The following IGFN1 variants were observed in gnomAD, a reference collection of about 807,000 sequenced individuals.
IGFN1 encodes the protein immunoglobulin like and fibronectin type III domain containing 1.
A neutral mutation model predicts 289.5 loss-of-function variants in IGFN1; 253 were observed. The ratio of observed to expected loss-of-function variants is 0.87; its 90% confidence interval spans 0.79 to 0.97. The LOEUF is 0.97. IGFN1 is among the 50% of genes least tolerant of loss of function. The pLI, the probability that IGFN1 is intolerant of heterozygous loss-of-function variation, is 0.00. For synonymous variants in IGFN1, 1,706 were observed against 1,788.5 expected (o/e 0.95, Z 1.16); for missense variants, 4,470 against 4,686.1 (o/e 0.95, Z 1.35).
rs1385661673 is a variant in IGFN1 at position 201,208,986 on chromosome 1, A to G, written c.4093A>G (p.Lys1365Glu). Residue 1365 changes from lysine to glutamate, a missense_variant, in exon 12 of 24, where the codon AAG becomes GAG. Around this residue, in one of 8 missense-constraint regions of IGFN1, gnomAD observed 2,011 missense variants for 1,953.4 expected, o/e 1.03. Coordinates refer to ENST00000335211, the MANE Select transcript of IGFN1 (RefSeq NM_001164586.2). ...CAAGGCAGATTATAGCGGTGGTTTA[A>G]AGGGTTCCAGGGAAATCGGGTCAAT... ...GSKADYSGGL[K>E]GSREIGSMDE... The G allele has an allele frequency of 4.2e-5, 65 of 1,534,456 alleles. 1 individual carries two copies. The highest frequency in any genetic ancestry group is 5.7e-5 in the Non-Finnish European group (65 of 1,146,276).
chr1:201,212,457 A>G lies in IGFN1; in HGVS notation c.7564A>G (p.Met2522Val). ...KDRSPDQAGI[M>V]GASGFLDGKG... ...TAGGTCTCCAGACCAAGCAGGGATA[A>G]TGGGGGCTTCTGGGTTTCTTGATGG... Residue 2522 changes from methionine to valine, a missense_variant, in exon 12 of 24, where the codon ATG (methionine) becomes GTG (valine). Coordinates refer to ENST00000335211, the MANE Select transcript of IGFN1 (RefSeq NM_001164586.2). 1 of 1,538,242 alleles carries G rather than the reference A, an allele frequency of 6.5e-7. No homozygotes were observed. The highest frequency in any genetic ancestry group is 8.7e-7 in the Non-Finnish European group (1 of 1,146,808).
chr1:201,228,532 G>A lies in IGFN1; in HGVS notation c.*133G>A. On this transcript the variant is annotated 3_prime_UTR_variant, in exon 24 of 24. Transcript: ENST00000335211. ...GAAAATGGGAGTGAGAAGATGCCTG[G>A]CGAGGTTTTGGCCAGGAGGACGTGA... The A allele has an allele frequency of 9.9e-7, 1 of 1,013,668 alleles. No homozygotes were observed. The highest frequency in any genetic ancestry group is 1.6e-6 in the Non-Finnish European group (1 of 640,156). The allele number at this position is 1,013,668 out of a possible 1,614,324, so 62.8% of individuals were successfully genotyped here. A position where few individuals can be genotyped will look rare whatever the true frequency, so the allele number is the denominator to read the frequency against.
chr1:201,197,069 G>A, intron 4 of IGFN1, 149 bp from the exon 5 acceptor site: 1 of 550,786 alleles, frequency 1.8e-6, no homozygotes, highest in South Asian at 2.7e-5. Flanking sequence ...TTTCTGTTTT[G>A]GGGTCTGTCT....
At chr1:201,227,813 C>A (rs1397711725) in intron 23 of IGFN1, among the ~76,000 whole-genome samples, 1 of 152,080 alleles carries the variant, frequency 6.6e-6, no homozygotes, top group Non-Finnish European at 1.5e-5. Context: ...CCTAAGCTTC[C>A]CAGTGGGGCC....
chr1:201,213,285 G>T lies in IGFN1; in HGVS notation c.8392G>T (p.Glu2798Ter), dbSNP rs893259319. The T allele has an allele frequency of 1.9e-6, 3 of 1,559,148 alleles. No individual in the cohort carries two copies. ...VQGPGALKED[E>*]GQGVEEAGRS... ...GGGTCCTGGGGCCCTAAAGGAGGAT[G>T]AAGGGCAGGGAGTGGAAGAGGCTGG... The change falls in exon 12 of 24, where the codon GAA (glutamate) becomes TAA (stop). Residue 2798 changes from glutamate (E) to a stop codon, truncating the protein, a stop_gained. Coordinates refer to ENST00000335211, the MANE Select transcript of IGFN1 (RefSeq NM_001164586.2). LOFTEE classifies it high-confidence loss of function.
rs560973991 is a variant in IGFN1 at position 201,206,739 on chromosome 1, G to A, written c.1846G>A (p.Asp616Asn). ...GKSDLQGCQSDPVGSWPRGKQ... is the reference protein window; with the variant it reads ...GKSDLQGCQSNPVGSWPRGKQ... Reference sequence around the variant, plus strand: ...GAGCGACCTGCAGGGATGCCAGTCTGATCCTGTAGGGTCCTGGCCAAGAGG... The same window carrying A: ...GAGCGACCTGCAGGGATGCCAGTCTAATCCTGTAGGGTCCTGGCCAAGAGG... Residue 616 changes from aspartate (D) to asparagine (N), a missense_variant, in exon 12 of 24, where the codon GAT (aspartate) becomes AAT (asparagine). Physicochemically the swap from Asp to Asn is conservative, Grantham distance 23. This residue lies in a region of IGFN1 where 2,011 missense variants were observed against 1,953.4 expected (regional missense o/e 1.03). Transcript: ENST00000335211. 3 of 1,536,876 alleles carry A rather than the reference G, an allele frequency of 2.0e-6. No homozygotes were observed. Among genetic ancestry groups the A allele is most frequent in the South Asian group, 2.4e-5 (2 of 84,058 alleles).
intron 20 of IGFN1, among the ~76,000 whole-genome samples, chr1:201,224,470 C>T (rs1653949342): frequency 6.6e-6 from 1 of 152,110 alleles, no homozygotes; most frequent in Admixed American, 6.5e-5. Flanking sequence ...TTCTACCGCC[C>T]CCCTACCATA....
chr1:201,216,498 C>A lies in IGFN1; in HGVS notation c.9340C>A (p.His3114Asn). ...AGGCCCCATGGAGGTTCAGGATTGC[C>A]ATAGGGCTGGCGTCTGCCTCCGCTG... ...PQGPMEVQDCHRAGVCLRWRP... is the reference protein window; with the variant it reads ...PQGPMEVQDCNRAGVCLRWRP... Residue 3114 changes from histidine to asparagine, a missense_variant, in exon 16 of 24, where the codon CAT (histidine) becomes AAT (asparagine). Physicochemically the swap from His to Asn is moderately conservative, Grantham distance 68. Around this residue, in one of 8 missense-constraint regions of IGFN1, gnomAD observed 2,218 missense variants for 2,114.1 expected, o/e 1.05. Transcript: ENST00000335211. 6.2e-7 allele frequency: 1 copy of A among 1,605,910 alleles called. No homozygotes were observed.
chr1:201,211,482 A>G lies in IGFN1; in HGVS notation c.6589A>G (p.Arg2197Gly), dbSNP rs1667793360. The G allele has an allele frequency of 1.3e-5, 20 of 1,502,650 alleles. No homozygotes were observed. In the East Asian group the frequency reaches 5.2e-4, roughly 39 times the overall value. The allele number at this position is 1,502,650 out of a possible 1,614,324, so 93.1% of individuals were successfully genotyped here. A position where few individuals can be genotyped will look rare whatever the true frequency, so the allele number is the denominator to read the frequency against. Residue 2197 changes from arginine (R) to glycine (G), a missense_variant, in exon 12 of 24, where the codon AGG becomes GGG. Coordinates refer to ENST00000335211, the MANE Select transcript of IGFN1 (RefSeq NM_001164586.2). Reference protein sequence around the residue: ...GMGSGSKAGFRDGLGGSEEMG... With the variant: ...GMGSGSKAGFGDGLGGSEEMG... ...GGGTTCAGGGAGTAAGGCAGGTTTC[A>G]GGGATGGTTTAGGGGGTTCTGAAGA...
At position 201,208,220 on chromosome 1, in the gene IGFN1, A is replaced by C. The variant is rs1667528058; in HGVS notation, c.3327A>C (p.Pro1109=). The C allele has an allele frequency of 1.3e-6, 2 of 1,536,690 alleles. No homozygotes were observed. The highest frequency in any genetic ancestry group is 2.7e-5 in the African/African-American group (2 of 73,012). Residue 1109 remains proline (P), a synonymous_variant, in exon 12 of 24, where the codon CCA becomes CCC. Transcript: ENST00000335211. ...GGATGGGATGTGTGGAAGCAGAACC[A>C]GAGAGCTCTGGAAGAATAAGGCCTT... is the stretch of plus-strand genomic sequence containing the variant. The part of the protein sequence containing the change: ...TVGMGCVEAE[P]ESSGRIRPWG...
At position 201,222,726 on chromosome 1, in the gene IGFN1, T is replaced by C. The variant is rs1046682560; in HGVS notation, c.10202-13T>C. Reference sequence around the variant, plus strand: ...GGGAGGAGGGAGGTAACCAGTCCTCTTGTGCGTTTCAGTCTGTCCCAAGTT... The same window carrying C: ...GGGAGGAGGGAGGTAACCAGTCCTCCTGTGCGTTTCAGTCTGTCCCAAGTT... On this transcript the variant is annotated splice_polypyrimidine_tract_variant and intron_variant, in intron 19 of 23. Transcript: ENST00000335211. 7 of 1,604,548 alleles carry C rather than the reference T, an allele frequency of 4.4e-6. No individual in the cohort carries two copies. In the South Asian group the frequency reaches 7.8e-5, roughly 18 times the overall value.
At position 201,210,883 on chromosome 1, in the gene IGFN1, G is replaced by C; in HGVS notation, c.5990G>C (p.Gly1997Ala). ...SEEMGSMDEA[G>A]YRKDLGAPEG... ...GAAATGGGGTCAATGGATGAGGCAG[G>C]TTATAGGAAGGATTTGGGGGCTCCT... The change falls in exon 12 of 24, where the codon GGT (glycine) becomes GCT (alanine). Residue 1997 changes from glycine (G) to alanine (A), a missense_variant. Gly to Ala is a moderately conservative substitution (Grantham distance 60). Transcript: ENST00000335211. The C allele has an allele frequency of 6.5e-7, 1 of 1,529,788 alleles. No homozygotes were observed. Among genetic ancestry groups the C allele is most frequent in the Non-Finnish European group, 8.7e-7 (1 of 1,144,280 alleles). 94.8% of individuals were successfully genotyped at this position (1,529,788 alleles called of 1,614,324 possible).
At chr1:201,195,295 G>C (rs971470887) in intron 3 of IGFN1, among the ~76,000 whole-genome samples, 1 of 152,118 alleles carries the variant, frequency 6.6e-6, no homozygotes, top group African/African-American at 2.4e-5. Context: ...GGGATTACAG[G>C]CACATGCCAC....
Position 201,226,964 on chromosome 1 carries a change from C to T in IGFN1, c.10869C>T (p.His3623=), listed in dbSNP as rs755794273. The change falls in exon 23 of 24, where the codon CAC becomes CAT. Residue 3623 remains histidine (H), a synonymous_variant. Transcript: ENST00000335211. ...GGTTCCTGGTGGGCCTGCGGTCCCACCTGCTGCCCCAGGGCTGCGAGTGCT... is the reference window on the plus strand; with the variant it reads ...GGTTCCTGGTGGGCCTGCGGTCCCATCTGCTGCCCCAGGGCTGCGAGTGCT... ...KPRFLVGLRS[H]LLPQGCECCM... 1.9e-6 allele frequency: 3 copies of T among 1,612,986 alleles called. No individual in the cohort carries two copies. The highest frequency in any genetic ancestry group is 2.2e-5 in the East Asian group (1 of 44,886).
intron 9 of IGFN1, among the ~76,000 whole-genome samples, chr1:201,202,717 C>A (rs1025673267): frequency 1.3e-5 from 1 of 77,018 alleles, no homozygotes; most frequent in Non-Finnish European, 2.5e-5. Context: ...TTCTTTCTTC[C>A]TCCCTCCCTC....
intron 5 of IGFN1, 114 bp from the exon 6 acceptor site, chr1:201,199,220 G>T: frequency 2.3e-6 from 2 of 879,770 alleles, no homozygotes; most frequent in South Asian, 1.4e-5. Flanking sequence ...AGAGGACAGT[G>T]GGGAGAGCAG....
rs1202034387 is a variant in IGFN1 at position 201,207,215 on chromosome 1, C to A, written c.2322C>A (p.Gly774=). 6.5e-7 allele frequency: 1 copy of A among 1,536,710 alleles called. No homozygotes were observed. The highest frequency in any genetic ancestry group is 8.7e-7 in the Non-Finnish European group (1 of 1,146,858). The change falls in exon 12 of 24, where the codon GGC becomes GGA. Residue 774 remains glycine (G), a synonymous_variant. Transcript: ENST00000335211. ...SVVTGSAYKT[G]PGGPGDPRGC... is the part of the protein sequence containing the mutation. ...TTACAGGAAGTGCCTACAAAACTGG[C>A]CCTGGAGGCCCAGGAGACCCCAGAG...
chr1:201,207,254 C>T lies in IGFN1; in HGVS notation c.2361C>T (p.Val787=), dbSNP rs1240511045. 3.6e-5 allele frequency: 55 copies of T among 1,536,686 alleles called. No homozygotes were observed. The highest frequency in any genetic ancestry group is 1.7e-4 in the Middle Eastern group (1 of 5,990). The change falls in exon 12 of 24, where the codon GTC becomes GTT. Residue 787 remains valine, a synonymous_variant. Transcript: ENST00000335211. The part of the protein sequence containing the change: ...GPGDPRGCEG[V]LQELRGRDGQ... Reference sequence around the variant, plus strand: ...GAGACCCCAGAGGCTGCGAAGGTGTCCTACAGGAGCTCAGGGGAAGGGATG... The same window carrying T: ...GAGACCCCAGAGGCTGCGAAGGTGTTCTACAGGAGCTCAGGGGAAGGGATG...
At position 201,217,337 on chromosome 1, in the gene IGFN1, G is replaced by A; in HGVS notation, c.9646G>A (p.Gly3216Ser). 1.2e-6 allele frequency: 2 copies of A among 1,614,120 alleles called. No homozygotes were observed. The highest frequency in any genetic ancestry group is 8.5e-7 in the Non-Finnish European group (1 of 1,180,016). ...AGCCATCCTGTCGGCCTCCAGCCAG[G>A]GCATCACACTGACATGGACAGCACC... ...APAILSASSQ[G>S]ITLTWTAPRG... Residue 3216 changes from glycine to serine, a missense_variant, in exon 17 of 24, where the codon GGC becomes AGC. By Grantham distance (56) the Gly-to-Ser change is moderately conservative. Coordinates refer to ENST00000335211, the MANE Select transcript of IGFN1 (RefSeq NM_001164586.2).
Sources: gnomAD v4.1 joint callset for allele counts (sites outside exome capture counted in the v4.1 genomes callset) on GRCh38, gnomAD v4.1.1 for gene constraint, gnomAD v4.1.1 regional missense constraint, MANE v1.5 for transcripts, NCBI Gene and HGNC (gene_info 2026-07-23, HGNC 2026-07-21) for gene names.